EXOC1: variants seen among roughly 807,000 people sequenced by gnomAD.
EXOC1 encodes the protein exocyst complex component 1, also known as SEC3-like 1.
Under a neutral mutation model 107.7 loss-of-function variants are expected in EXOC1, and 67 were observed. The observed-to-expected ratio is 0.62, with a 90% CI of 0.51 to 0.76. The LOEUF is 0.76. Ranked by LOEUF, EXOC1 falls within the 30% of genes least tolerant of loss-of-function variation. The probability of loss-of-function intolerance (pLI) is 0.00; values close to 1 mark genes in which losing one functional copy is unlikely to be tolerated. For missense variants in EXOC1, 833 were observed against 1,055.7 expected, an observed-to-expected ratio of 0.79 and a Z score of 2.92; for synonymous variants, 348 against 353.5, an observed-to-expected ratio of 0.98 and a Z score of 0.17.
At chr4:55,899,455 G>T (rs540362548) in intron 16 of EXOC1, among the ~76,000 whole-genome samples, 2 of 152,146 alleles carry the variant, frequency 1.3e-5, no homozygotes, top group South Asian at 4.1e-4. Flanking sequence ...GATCTGAAAA[G>T]CTACTTTTAT....
chr4:55,881,676 G>A (rs752380380), intron 9 of EXOC1, among the ~76,000 whole-genome samples: 40 of 152,162 alleles, frequency 2.6e-4, no homozygotes, highest in Non-Finnish European at 4.4e-4. Context: ...AGGTAGACAA[G>A]CAACAAATGG....
intron 4 of EXOC1, among the ~76,000 whole-genome samples, chr4:55,866,651 G>T (rs375827343): frequency 6.6e-6 from 1 of 152,122 alleles, no homozygotes. Context: ...AAATATATTT[G>T]TAGTCACTAT....
Position 55,890,360 on chromosome 4 carries a change from G to A in EXOC1, c.1513G>A (p.Val505Ile), listed in dbSNP as rs778388685. 2.5e-6 allele frequency: 4 copies of A among 1,613,816 alleles called. No homozygotes were observed. Among genetic ancestry groups the A allele is most frequent in the Non-Finnish European group, 2.5e-6 (3 of 1,179,954 alleles). Residue 505 changes from valine to isoleucine, a missense_variant, in exon 12 of 19, where the codon GTT becomes ATT. Transcript: ENST00000381295. ...MGNMSASDLDVADRTKFDKIF... is the reference protein window; with the variant it reads ...MGNMSASDLDIADRTKFDKIF... ...AAACATGTCTGCCTCTGATCTCGAT[G>A]TTGCTGACAGGACCAAATTTGATAA...
At chr4:55,857,503 A>G (rs1424632144) in intron 1 of EXOC1, among the ~76,000 whole-genome samples, 1 of 151,952 alleles carries the variant, frequency 6.6e-6, no homozygotes, top group Non-Finnish European at 1.5e-5. Context: ...ATAATAATCC[A>G]TTGTATGGAT....
chr4:55,885,803 T>G (rs565677576), intron 10 of EXOC1: 5 of 152,342 alleles, frequency 3.3e-5, no homozygotes, highest in Non-Finnish European at 7.4e-5. Context: ...AATCCAACTT[T>G]TAGCTAGTAT....
chr4:55,884,044 A>T (rs1723651081), intron 10 of EXOC1, 116 bp downstream of exon 10: 1 of 712,036 alleles, frequency 1.4e-6, no homozygotes, highest in African/African-American at 1.9e-5. Flanking sequence ...TTTATGAAAA[A>T]AGAGGTCTAA....
rs1722819269 is a variant in EXOC1, at chr4:55,875,553, TG to T, written c.1075-2361del. 5.1e-6 allele frequency: 5 copies of T among 982,102 alleles called. No individual in the cohort carries two copies. In the Admixed American group the frequency reaches 3.1e-4, roughly 60 times the overall value. The allele number at this position is 982,102 out of a possible 1,614,324, so 60.8% of individuals were successfully genotyped here. A position where few individuals can be genotyped will look rare whatever the true frequency, so the allele number is the denominator to read the frequency against. ...AATCCTGACTCTCCTACCTCCTAGC[TG>T]GGTTACCTTGAACAAGTTAATTGAC... On this transcript the variant is annotated intron_variant, in intron 8 of 18. Coordinates refer to ENST00000381295, the MANE Select transcript of EXOC1 (RefSeq NM_001024924.2).
At position 55,896,899 on chromosome 4, in the gene EXOC1, T is replaced by C. The variant is rs772374319; in HGVS notation, c.2136T>C (p.Asn712=). 10 of 1,584,666 alleles carry C rather than the reference T, an allele frequency of 6.3e-6. No homozygotes were observed. In the East Asian group the frequency reaches 2.1e-4, roughly 33 times the overall value. Residue 712 remains asparagine (N), a splice_region_variant and synonymous_variant, in exon 16 of 19, where the codon AAT becomes AAC. Transcript: ENST00000381295. ...AACTTATCAGAGGAGTATTTGTTAA[T>C]GGTAAGCTTTTGTTATGTTCTAAAG... is the stretch of plus-strand genomic sequence containing the variant. ...YTKLIRGVFV[N]VEKVANESQK... is the part of the protein sequence containing the mutation.
At chr4:55,900,203 GA>G (rs1725737860) in intron 17 of EXOC1, among the ~76,000 whole-genome samples, 1 of 152,032 alleles carries the variant, frequency 6.6e-6, no homozygotes, top group Non-Finnish European at 1.5e-5. Flanking sequence ...TTTCACAAAT[GA>G]AGAAACTGAA....
In EXOC1 at chr4:55,904,036, C is replaced by T. The variant is rs144531335; in HGVS notation, c.2533-307C>T. 7.8e-3 allele frequency among the ~76,000 whole-genome samples: 1,188 copies of T among 151,892 alleles called. 7 individuals carry two copies. The highest frequency in any genetic ancestry group is 0.027 in the African/African-American group (1,114 of 41,408). On this transcript the variant is annotated intron_variant, in intron 18 of 18. Coordinates refer to ENST00000381295, the MANE Select transcript of EXOC1 (RefSeq NM_001024924.2). ...GATAATAGCTAAAATGTCATGAGTG[C>T]TTACTTGTGTCAAACGCAGTTTGAA...
intron 15 of EXOC1, among the ~76,000 whole-genome samples, chr4:55,896,113 CAG>C (rs1299601904): frequency 1.3e-5 from 2 of 152,104 alleles, no homozygotes; most frequent in Non-Finnish European, 2.9e-5. Flanking sequence ...TTACTTTGTA[CAG>C]AGACTTGAAG....
chr4:55,871,796 C>T lies in EXOC1; in HGVS notation c.965-53C>T, dbSNP rs1722466917. 4 of 1,507,240 alleles carry T rather than the reference C, an allele frequency of 2.7e-6. No individual in the cohort carries two copies. In the Admixed American group the frequency reaches 7.3e-5, roughly 27 times the overall value. 93.4% of individuals were successfully genotyped at this position (1,507,240 alleles called of 1,614,324 possible). ...ATACGTTTAATGTTCCATTAAACAT[C>T]AAGGAAATCTTTTTACCCATTAAAC... is the stretch of plus-strand genomic sequence containing the variant. On this transcript the variant is annotated intron_variant, in intron 7 of 18. Transcript: ENST00000381295.
chr4:55,901,105 T>G (rs1725847487), intron 17 of EXOC1, among the ~76,000 whole-genome samples: 1 of 152,166 alleles, frequency 6.6e-6, no homozygotes, highest in Non-Finnish European at 1.5e-5. Context: ...TATTGTTAGA[T>G]CCTTTATTAT....
rs115756258 is a variant in EXOC1, at chr4:55,876,095, A to G, written c.1075-1822A>G. On this transcript the variant is annotated intron_variant, in intron 8 of 18. Transcript: ENST00000381295. ...GACCTTTGGCAACATAGAAATAGAT[A>G]ATAGTCCAATGGTAATGCCTGTGTA... 1.7e-3 allele frequency: 1,665 copies of G among 985,046 alleles called. 20 individuals are homozygous for G. In the African/African-American group the frequency reaches 0.027, roughly 16 times the overall value. 61.0% of individuals were successfully genotyped at this position (985,046 alleles called of 1,614,324 possible).
chr4:55,895,413 A>C (rs1476372873), intron 15 of EXOC1, among the ~76,000 whole-genome samples: 1 of 152,204 alleles, frequency 6.6e-6, no homozygotes, highest in Non-Finnish European at 1.5e-5. Flanking sequence ...CAATCTTACC[A>C]CTACCTTTTC....
rs750179198 is a variant in EXOC1, at chr4:55,868,433, C to G, written c.513C>G (p.Ile171Met). 6.2e-7 allele frequency: 1 copy of G among 1,612,032 alleles called. No individual in the cohort carries two copies. Among genetic ancestry groups the G allele is most frequent in the South Asian group, 1.1e-5 (1 of 90,938 alleles). Residue 171 changes from isoleucine (I) to methionine (M), a missense_variant, in exon 5 of 19, where the codon ATC becomes ATG. By Grantham distance (10) the Ile-to-Met change is conservative. Coordinates refer to ENST00000381295, the MANE Select transcript of EXOC1 (RefSeq NM_001024924.2). ...QELNAREEQD[I>M]EIMMEGCEYA... ...TAAATGCAAGAGAAGAACAGGATAT[C>G]GAAATAATGATGGAAGGCTGTGAAT...
At chr4:55,899,150 T>G (rs1020743179) in intron 16 of EXOC1, among the ~76,000 whole-genome samples, 1 of 152,138 alleles carries the variant, frequency 6.6e-6, no homozygotes, top group Non-Finnish European at 1.5e-5. Context: ...ATGGTGTCTT[T>G]ACTTTACATG....
intron 4 of EXOC1, among the ~76,000 whole-genome samples, chr4:55,867,956 A>G (rs1722103741): frequency 6.6e-6 from 1 of 152,190 alleles, no homozygotes. Flanking sequence ...TACTGAATTC[A>G]TAGTCATTGT....
chr4:55,867,173 G>A (rs1577702723), intron 4 of EXOC1, among the ~76,000 whole-genome samples: 1 of 152,164 alleles, frequency 6.6e-6, no homozygotes, highest in Non-Finnish European at 1.5e-5. Context: ...CCCCCTAGTG[G>A]CTAATAAGCT....
Sources: gnomAD v4.1 joint callset for allele counts (sites outside exome capture counted in the v4.1 genomes callset) on GRCh38, gnomAD v4.1.1 for gene constraint, MANE v1.5 for transcripts, NCBI Gene and HGNC (gene_info 2026-07-23, HGNC 2026-07-21) for gene names.